The following BICC1 variants were observed in gnomAD, a reference collection of about 807,000 sequenced individuals.
The protein encoded by BICC1 is protein bicaudal C homolog 1.
A neutral mutation model predicts 111.0 loss-of-function variants in BICC1; 43 were observed. The observed-to-expected ratio is 0.39, with a 90% confidence interval of 0.30 to 0.50. The LOEUF (loss-of-function observed/expected upper bound fraction) is 0.50. BICC1 is among the 20% of genes least tolerant of loss of function. The pLI, the probability that BICC1 is intolerant of heterozygous loss-of-function variation, is 0.88. For synonymous variants in BICC1, 467 were observed against 434.4 expected (o/e 1.07, Z -0.93); for missense variants, 1,091 against 1,203.2 (o/e 0.91, Z 1.38).
At chr10:58,807,992 A>G (rs1564626006) in intron 17 of BICC1, among the ~76,000 whole-genome samples, 1 of 152,202 alleles carries the variant, frequency 6.6e-6, no homozygotes, top group Non-Finnish European at 1.5e-5. Context: ...TCTAATAACT[A>G]GCATTTGTAG....
intron 3 of BICC1, among the ~76,000 whole-genome samples, chr10:58,776,702 T>C (rs1362259692): frequency 4.6e-5 from 7 of 152,306 alleles, no homozygotes; most frequent in Admixed American, 2.0e-4. Context: ...CTCATACTTA[T>C]GTCAACGACC....
rs188818843 is a variant in BICC1 at position 58,686,646 on chromosome 10, C to A, written c.238-15428C>A. Reference sequence around the variant, plus strand: ...CTTCAATCACTTATACCCTTTCTTACCCTTGATCAAATCGGCTACTGAAGC... The same window carrying A: ...CTTCAATCACTTATACCCTTTCTTAACCTTGATCAAATCGGCTACTGAAGC... On this transcript the variant is annotated intron_variant, in intron 2 of 20. Transcript: ENST00000373886. Among the ~76,000 whole-genome samples the A allele has an allele frequency of 3.5e-4, 54 of 152,216 alleles. 3 individuals carry two copies. In the South Asian group the frequency reaches 5.2e-3, roughly 15 times the overall value.
chr10:58,818,585 A>G (rs1400112630), intron 19 of BICC1, among the ~76,000 whole-genome samples: 1 of 152,148 alleles, frequency 6.6e-6, no homozygotes, highest in Non-Finnish European at 1.5e-5. Flanking sequence ...AATTCAATGT[A>G]CTGCCCATGG....
intron 3 of BICC1, among the ~76,000 whole-genome samples, chr10:58,737,474 A>G (rs1841508384): frequency 1.3e-5 from 2 of 152,188 alleles, no homozygotes; most frequent in South Asian, 4.1e-4. Flanking sequence ...TATATGTGCA[A>G]CATTTTCTTA....
rs1197299070 is a variant in BICC1, at chr10:58,830,695, G to A, written c.*1804G>A. On this transcript the variant is annotated 3_prime_UTR_variant, in exon 21 of 21. Coordinates refer to ENST00000373886, the MANE Select transcript of BICC1 (RefSeq NM_001080512.3). The stretch of plus-strand genomic sequence containing the variant: ...ATTATCAATTATAACTGGCACCGAG[G>A]GACTGCCCTTTTTAAGCTAAACTAA... 2 of 152,112 alleles carry A rather than the reference G, an allele frequency of 1.3e-5. No homozygotes were observed. The highest frequency in any genetic ancestry group is 2.9e-5 in the Non-Finnish European group (2 of 68,014). 9.4% of individuals were successfully genotyped at this position (152,112 alleles called of 1,614,324 possible).
chr10:58,797,044 G>A (rs117693483), intron 10 of BICC1, among the ~76,000 whole-genome samples: 3 of 152,238 alleles, frequency 2.0e-5, no homozygotes, highest in Non-Finnish European at 4.4e-5. Flanking sequence ...TCTGTCTAAC[G>A]TGAGGAATAG....
chr10:58,668,600 T>C (rs1479142196), intron 2 of BICC1, among the ~76,000 whole-genome samples: 1 of 152,156 alleles, frequency 6.6e-6, no homozygotes, highest in African/African-American at 2.4e-5. Context: ...CTAGAAATTA[T>C]CTTATTTGGG....
chr10:58,688,046 G>T (rs1839796030), intron 2 of BICC1, among the ~76,000 whole-genome samples: 2 of 152,128 alleles, frequency 1.3e-5, no homozygotes, highest in African/African-American at 4.8e-5. Context: ...CCTCCCGGTG[G>T]GTTCGTGGTC....
intron 2 of BICC1, among the ~76,000 whole-genome samples, chr10:58,665,045 T>G (rs764820951): frequency 1.3e-5 from 2 of 152,166 alleles, no homozygotes; most frequent in African/African-American, 4.8e-5. Context: ...TGTACAGCTG[T>G]GCCACAGGGG....
intron 1 of BICC1, among the ~76,000 whole-genome samples, chr10:58,601,151 T>C (rs1033528167): frequency 7.4e-6 from 1 of 135,356 alleles, no homozygotes; most frequent in South Asian, 2.4e-4. Flanking sequence ...TATATATATA[T>C]ATATATATAT....
At chr10:58,780,690 G>A (rs1842860378) in intron 3 of BICC1, among the ~76,000 whole-genome samples, 1 of 152,158 alleles carries the variant, frequency 6.6e-6, no homozygotes, top group Non-Finnish European at 1.5e-5. Flanking sequence ...CCAGGGGTGG[G>A]AATGTTTCCA....
At chr10:58,562,427 A>G (rs1158953127) in intron 1 of BICC1, among the ~76,000 whole-genome samples, 1 of 151,198 alleles carries the variant, frequency 6.6e-6, no homozygotes, top group African/African-American at 2.4e-5. Context: ...TTGTTTTCTT[A>G]TTTCATTCAT....
chr10:58,604,697 A>C (rs1845152600), intron 1 of BICC1, among the ~76,000 whole-genome samples: 1 of 152,192 alleles, frequency 6.6e-6, no homozygotes, highest in Admixed American at 6.5e-5. Flanking sequence ...CCATCTTTAC[A>C]AATCCTGAAT....
intron 2 of BICC1, among the ~76,000 whole-genome samples, chr10:58,643,614 T>C (rs4948306): frequency 0.98 from 148,657 of 152,338 alleles, 72,634 homozygotes; most frequent in East Asian, 1. Context: ...CATTTAGTAA[T>C]ACAGACTGAA....
intron 2 of BICC1, among the ~76,000 whole-genome samples, chr10:58,681,523 G>T (rs1839519777): frequency 6.6e-6 from 1 of 152,214 alleles, no homozygotes; most frequent in African/African-American, 2.4e-5. Flanking sequence ...AGAGGATGTG[G>T]AGAAATAGGA....
chr10:58,705,451 C>A (rs1003034636), intron 3 of BICC1, among the ~76,000 whole-genome samples: 3 of 152,268 alleles, frequency 2.0e-5, no homozygotes, highest in African/African-American at 7.2e-5. Context: ...TGATGACAAC[C>A]TCATTGTTCT....
chr10:58,687,666 A>T (rs904597332), intron 2 of BICC1, among the ~76,000 whole-genome samples: 25 of 152,326 alleles, frequency 1.6e-4, no homozygotes, highest in African/African-American at 5.8e-4. Context: ...GGATCTTCCA[A>T]GCCTGGCACG....
chr10:58,734,511 C>A (rs1841410369), intron 3 of BICC1, among the ~76,000 whole-genome samples: 2 of 152,300 alleles, frequency 1.3e-5, no homozygotes, highest in South Asian at 2.1e-4. Flanking sequence ...GAGGAGCCAT[C>A]ATGATGTGGG....
chr10:58,800,658 ACCCACCCCCTGC>A (rs945265099), intron 13 of BICC1, among the ~76,000 whole-genome samples: 1 of 152,040 alleles, frequency 6.6e-6, no homozygotes, highest in Middle Eastern at 3.2e-3. Context: ...TAACCTTTTT[ACCCACCCCCTGC>A]CCCACCAAAT....
Sources: gnomAD v4.1 joint callset for allele counts (sites outside exome capture counted in the v4.1 genomes callset) on GRCh38, gnomAD v4.1.1 for gene constraint, MANE v1.5 for transcripts, NCBI Gene and HGNC (gene_info 2026-07-23, HGNC 2026-07-21) for gene names.